The following RRN3 variants were observed in gnomAD, a reference collection of about 807,000 sequenced individuals.
RRN3 encodes RNA polymerase I transcription factor RRN3.
A neutral mutation model predicts 82.3 loss-of-function variants in RRN3; 38 were observed. That is an observed-to-expected ratio of 0.46 (90% confidence interval 0.36 to 0.61). The LOEUF (loss-of-function observed/expected upper bound fraction) is 0.61, where lower values mean the gene tolerates loss of function less well. Ranked by LOEUF, RRN3 falls within the 20% of genes least tolerant of loss-of-function variation. RRN3 has a pLI of 0.00. For synonymous variants in RRN3, 284 were observed against 284.3 expected (o/e 1.00, Z 0.01); for missense variants, 726 against 793.1 (o/e 0.92, Z 1.02).
rs1394205154 is a variant in RRN3 at position 15,065,202 on chromosome 16, T to G, written c.1706+17A>C. On this transcript the variant is annotated intron_variant, in intron 16 of 17. Transcript: ENST00000198767. Reference sequence around the variant, plus strand: ...AAAAATCCACCTCCTCCAGCGTCAATGTTTAAAAGTACCTACCTCTTCAGC... The same window carrying G: ...AAAAATCCACCTCCTCCAGCGTCAAGGTTTAAAAGTACCTACCTCTTCAGC... 1.3e-6 allele frequency: 2 copies of G among 1,571,748 alleles called. No individual in the cohort carries two copies. Among genetic ancestry groups the G allele is most frequent in the Non-Finnish European group, 8.6e-7 (1 of 1,162,486 alleles).
At chr16:15,078,595 C>T (rs1283812739) in intron 9 of RRN3, among the ~76,000 whole-genome samples, 15 of 152,180 alleles carry the variant, frequency 9.9e-5, no homozygotes, top group Non-Finnish European at 8.8e-5. Context: ...CTCCTTCCGG[C>T]GGATCCTTCC....
intron 13 of RRN3, 101 bp from the exon 14 acceptor site, chr16:15,070,355 G>A: frequency 2.5e-6 from 2 of 805,012 alleles, no homozygotes; most frequent in African/African-American, 3.5e-5. Context: ...TGCTAAGTAA[G>A]TTCATAGGTT....
Position 15,070,262 on chromosome 16 carries a change from A to G in RRN3, c.1260-8T>C, listed in dbSNP as rs748308463. The G allele has an allele frequency of 6.2e-7, 1 of 1,611,642 alleles. No homozygotes were observed. The highest frequency in any genetic ancestry group is 1.7e-5 in the Admixed American group (1 of 59,970). ...AGGCATGATTTTACAGTACTAGAGA[A>G]AAGAAAAATTCAAGTCAACTTTACA... is the stretch of plus-strand genomic sequence containing the variant. On this transcript the variant is annotated splice_region_variant and splice_polypyrimidine_tract_variant and intron_variant, in intron 13 of 17. Transcript: ENST00000198767.
At chr16:15,079,749 T>G (rs980815451) in intron 9 of RRN3, among the ~76,000 whole-genome samples, 2 of 152,174 alleles carry the variant, frequency 1.3e-5, no homozygotes, top group African/African-American at 2.4e-5. Flanking sequence ...CCCACCATCA[T>G]GCCTGGCTAA....
At chr16:15,066,552 G>A (rs2044982545) in intron 15 of RRN3, among the ~76,000 whole-genome samples, 1 of 151,862 alleles carries the variant, frequency 6.6e-6, no homozygotes, top group Non-Finnish European at 1.5e-5. Context: ...AGAACTGCAT[G>A]AGCCTCGGAG....
chr16:15,087,298 ATCT>A (rs1263306779), intron 3 of RRN3, among the ~76,000 whole-genome samples: 2 of 152,188 alleles, frequency 1.3e-5, no homozygotes. Flanking sequence ...CCACATATAT[ATCT>A]TCTTCTAATC....
intron 8 of RRN3, among the ~76,000 whole-genome samples, chr16:15,081,508 C>G (rs2045701601): frequency 6.6e-6 from 1 of 152,130 alleles, no homozygotes; most frequent in Non-Finnish European, 1.5e-5. Flanking sequence ...TATTCAGATC[C>G]TTTGCCCACT....
intron 1 of RRN3, 67 bp downstream of exon 1, chr16:15,094,078 C>G (rs938684894): frequency 7.2e-6 from 10 of 1,392,726 alleles, no homozygotes; most frequent in South Asian, 6.2e-5. Context: ...TCCTTTCAAT[C>G]CGCTCCTCTA....
In RRN3 at chr16:15,074,838, A is replaced by G. The variant is rs1263375449; in HGVS notation, c.882T>C (p.His294=). ...FNMDEDEETE[H]ETKAGPERLD... ...GCCGTTCAGGACCAGCCTTTGTTTC[A>G]TGTTCAGTTTCTTCATCTTCATCCT... The change falls in exon 11 of 18, where the codon CAT becomes CAC. Residue 294 remains histidine (H), a synonymous_variant. Coordinates refer to ENST00000198767, the MANE Select transcript of RRN3 (RefSeq NM_018427.5). 1 of 1,611,922 alleles carries G rather than the reference A, an allele frequency of 6.2e-7. No individual in the cohort carries two copies. The highest frequency in any genetic ancestry group is 8.5e-7 in the Non-Finnish European group (1 of 1,179,184).
At chr16:15,073,894 AT>A (rs2151784114) in intron 11 of RRN3, among the ~76,000 whole-genome samples, 1 of 152,266 alleles carries the variant, frequency 6.6e-6, no homozygotes, top group African/African-American at 2.4e-5. Context: ...CTGGGATTCA[AT>A]AACAATTATT....
intron 15 of RRN3, among the ~76,000 whole-genome samples, chr16:15,065,991 C>A (rs562993563): frequency 1.3e-4 from 20 of 152,292 alleles, no homozygotes; most frequent in African/African-American, 4.6e-4. Flanking sequence ...TTAATTTTTC[C>A]AGTAGTTGTC....
At position 15,085,690 on chromosome 16, in the gene RRN3, T is replaced by C. The variant is rs1379281739; in HGVS notation, c.481A>G (p.Ile161Val). 1 of 1,613,468 alleles carries C rather than the reference T, an allele frequency of 6.2e-7. No individual in the cohort carries two copies. Among genetic ancestry groups the C allele is most frequent in the African/African-American group, 1.3e-5 (1 of 74,998 alleles). Residue 161 changes from isoleucine to valine, a missense_variant, in exon 6 of 18, where the codon ATC becomes GTC. Physicochemically the swap from Ile to Val is conservative, Grantham distance 29. This residue lies in a region of RRN3 where 344 missense variants were observed against 394.5 expected (regional missense o/e 0.87). Coordinates refer to ENST00000198767, the MANE Select transcript of RRN3 (RefSeq NM_018427.5). ...ACATCTACATCGCCTTCCTTAATGA[T>C]CACTCGGGCTTTTGAGGGAAAAAGA... The part of the protein sequence containing the change: ...IASHFVPPRV[I>V]IKEGDVDVSD...
chr16:15,073,653 C>T (rs1428635239), intron 11 of RRN3, among the ~76,000 whole-genome samples: 2 of 152,164 alleles, frequency 1.3e-5, no homozygotes, highest in Non-Finnish European at 2.9e-5. Flanking sequence ...TAGCAAAAGA[C>T]CTCTAATCCG....
chr16:15,086,833 A>G (rs1179703607), intron 3 of RRN3, among the ~76,000 whole-genome samples: 1 of 152,200 alleles, frequency 6.6e-6, no homozygotes, highest in Non-Finnish European at 1.5e-5. Flanking sequence ...TATTTCCTCT[A>G]TATTCAAGCT....
At chr16:15,084,911 C>A (rs1192872820) in intron 6 of RRN3, among the ~76,000 whole-genome samples, 2 of 151,922 alleles carry the variant, frequency 1.3e-5, no homozygotes, top group Non-Finnish European at 2.9e-5. Context: ...ACTAAAAATA[C>A]AAAAATTAGC....
chr16:15,074,339 T>C (rs189438042), intron 11 of RRN3, among the ~76,000 whole-genome samples: 155 of 152,320 alleles, frequency 1.0e-3, no homozygotes, highest in African/African-American at 3.7e-3. Context: ...GTACTAACAC[T>C]GGCACAACAA....
intron 9 of RRN3, among the ~76,000 whole-genome samples, chr16:15,076,978 C>T (rs1409469066): frequency 2.5e-5 from 2 of 80,014 alleles, no homozygotes; most frequent in African/African-American, 6.4e-5. Context: ...CCACCCAAAT[C>T]ACTTTTTTTT....
chr16:15,071,097 T>C (rs1242276407), intron 13 of RRN3, 24 bp downstream of exon 13: 1 of 1,585,488 alleles, frequency 6.3e-7, no homozygotes, highest in South Asian at 1.2e-5. Flanking sequence ...TATTAAAAAG[T>C]ATTCGGAAAA....
At chr16:15,069,820 T>A (rs2045145392) in intron 14 of RRN3, among the ~76,000 whole-genome samples, 1 of 152,178 alleles carries the variant, frequency 6.6e-6, no homozygotes, top group Non-Finnish European at 1.5e-5. Context: ...ATTTCAAACT[T>A]TCAAAGGCAG....
Sources: allele counts gnomAD v4.1 joint callset (sites outside exome capture counted in the v4.1 genomes callset), GRCh38; gene constraint gnomAD v4.1.1; regional missense constraint gnomAD v4.1.1; transcripts MANE v1.5; gene names NCBI Gene and HGNC (gene_info 2026-07-23, HGNC 2026-07-21).